The following MTR variants were observed in gnomAD, a reference collection of about 807,000 sequenced individuals.
The protein encoded by MTR is 5-methyltetrahydrofolate-homocysteine methyltransferase, also known as methionine synthase.
A neutral mutation model predicts 154.8 loss-of-function variants in MTR; 84 were observed. The ratio of observed to expected loss-of-function variants is 0.54; its 90% confidence interval spans 0.45 to 0.65. MTR has a LOEUF of 0.65. MTR is among the 30% of genes least tolerant of loss of function. The pLI is 0.00. For missense variants in MTR, 1,275 were observed against 1,570.2 expected (o/e 0.81, Z 3.18); for synonymous variants, 554 against 553.9 (o/e 1.00, Z 0.00).
chr1:236,862,687 G>A (rs138223367), intron 21 of MTR, among the ~76,000 whole-genome samples: 1 of 152,210 alleles, frequency 6.6e-6, no homozygotes, highest in South Asian at 2.1e-4. Context: ...TCAAAGGTCT[G>A]TCCCCGCCCT....
chr1:236,877,113 T>G (rs1459751388), intron 24 of MTR, among the ~76,000 whole-genome samples: 1 of 152,248 alleles, frequency 6.6e-6, no homozygotes, highest in African/African-American at 2.4e-5. Flanking sequence ...TGGAACAGCC[T>G]TTGGAAAACA....
chr1:236,795,884 A>C (rs998034167), intron 1 of MTR, 147 bp downstream of exon 1: 10 of 1,211,228 alleles, frequency 8.3e-6, no homozygotes, highest in Non-Finnish European at 1.2e-5. Context: ...AACTTAGCGC[A>C]GGAGCCCGGA....
Position 236,806,290 on chromosome 1 carries a change from T to C in MTR, c.339+57T>C. ...TGCTTACGAGCGTTTGCTGCATTGG[T>C]AGTTGCTAGTGAGTAAAGCACTGGA... On this transcript the variant is annotated intron_variant, in intron 3 of 32. Transcript: ENST00000366577. 5 of 1,366,972 alleles carry C rather than the reference T, an allele frequency of 3.7e-6. No homozygotes were observed. In the South Asian group the frequency reaches 5.8e-5, roughly 16 times the overall value. 84.7% of individuals were successfully genotyped at this position (1,366,972 alleles called of 1,614,324 possible).
chr1:236,879,047 T>G (rs903822261), intron 24 of MTR, among the ~76,000 whole-genome samples: 4 of 152,278 alleles, frequency 2.6e-5, no homozygotes, highest in Non-Finnish European at 5.9e-5. Flanking sequence ...GTCTGTCTTA[T>G]GAGTTTTTAG....
Position 236,795,451 on chromosome 1 carries a change from C to G in MTR, c.-253C>G. The stretch of plus-strand genomic sequence containing the variant: ...CTGGCTGCTAGGCCGACACCAAGGA[C>G]TGGCCGGGTACCCGGGAAGAAAGCA... On this transcript the variant is annotated 5_prime_UTR_variant, in exon 1 of 33. Transcript: ENST00000366577. The G allele has an allele frequency of 6.7e-7, 1 of 1,494,682 alleles. No homozygotes were observed. Among genetic ancestry groups the G allele is most frequent in the Non-Finnish European group, 8.9e-7 (1 of 1,120,098 alleles). The allele number at this position is 1,494,682 out of a possible 1,614,324, so 92.6% of individuals were successfully genotyped here. A position where few individuals can be genotyped will look rare whatever the true frequency, so the allele number is the denominator to read the frequency against.
chr1:236,799,801 T>C (rs1660607952), intron 1 of MTR, among the ~76,000 whole-genome samples: 1 of 152,022 alleles, frequency 6.6e-6, no homozygotes, highest in Non-Finnish European at 1.5e-5. Flanking sequence ...GTTTTTTTTT[T>C]TTAAATTAAG....
intron 22 of MTR, among the ~76,000 whole-genome samples, chr1:236,864,904 C>G (rs1466185017): frequency 6.6e-6 from 1 of 152,218 alleles, no homozygotes; most frequent in East Asian, 1.9e-4. Flanking sequence ...TAGCCAGGTA[C>G]ATGTTCAGCC....
At chr1:236,819,821 T>C in intron 8 of MTR, 6 of 762,948 alleles carry the variant, frequency 7.9e-6, no homozygotes, top group Non-Finnish European at 1.4e-5. Flanking sequence ...AGCTGGCGGC[T>C]TGTGCCATTG....
chr1:236,890,540 G>T (rs370023225), intron 28 of MTR, among the ~76,000 whole-genome samples: 6 of 152,294 alleles, frequency 3.9e-5, no homozygotes, highest in African/African-American at 1.2e-4. Flanking sequence ...ATTCTGTGGT[G>T]TCTGGGCCTG....
intron 17 of MTR, 139 bp from the exon 18 acceptor site, chr1:236,852,809 C>T: frequency 8.8e-7 from 1 of 1,131,364 alleles, no homozygotes. Context: ...TGCTTTTATG[C>T]TGTAACTACA....
intron 18 of MTR, among the ~76,000 whole-genome samples, chr1:236,854,904 G>A (rs958895748): frequency 5.9e-5 from 9 of 152,168 alleles, no homozygotes; most frequent in African/African-American, 1.7e-4. Flanking sequence ...CATAGCAATT[G>A]CAGGAGTTTA....
intron 15 of MTR, 67 bp from the exon 16 acceptor site, chr1:236,850,277 A>C: frequency 2.9e-6 from 3 of 1,023,068 alleles, no homozygotes; most frequent in Non-Finnish European, 4.0e-6. Context: ...AATAACAGGT[A>C]TTTAATATTA....
At chr1:236,880,208 G>C (rs934863077) in intron 24 of MTR, among the ~76,000 whole-genome samples, 1 of 152,126 alleles carries the variant, frequency 6.6e-6, no homozygotes, top group South Asian at 2.1e-4. Context: ...TTGCCTCTCT[G>C]TATTATTTTA....
At chr1:236,804,834 A>T (rs1430725547) in intron 2 of MTR, among the ~76,000 whole-genome samples, 1 of 151,974 alleles carries the variant, frequency 6.6e-6, no homozygotes, top group Non-Finnish European at 1.5e-5. Context: ...ACGTGAGTGA[A>T]TATATATATG....
intron 16 of MTR, 98 bp from the exon 17 acceptor site, chr1:236,852,423 G>T: frequency 3.4e-6 from 3 of 875,642 alleles, no homozygotes; most frequent in East Asian, 2.5e-5. Context: ...GATGCTTTTT[G>T]TTTTTTTTTC....
chr1:236,853,257 G>C (rs1261527473), intron 18 of MTR, among the ~76,000 whole-genome samples, 169 bp downstream of exon 18: 1 of 152,214 alleles, frequency 6.6e-6, no homozygotes, highest in East Asian at 1.9e-4. Flanking sequence ...GCTAGGGCAA[G>C]GAAGGGTAAA....
chr1:236,803,587 G>A lies in MTR; in HGVS notation c.194G>A (p.Gly65Asp), dbSNP rs1463533327. The A allele has an allele frequency of 6.2e-7, 1 of 1,614,124 alleles. No individual in the cohort carries two copies. Among genetic ancestry groups the A allele is most frequent in the Admixed American group, 1.7e-5 (1 of 60,000 alleles). Reference protein sequence around the residue: ...EFKDHARPLKGNNDILSITQP... With the variant: ...EFKDHARPLKDNNDILSITQP... ...AAAGATCATGCCAGGCCGCTGAAAG[G>A]CAACAATGACATTTTAAGTATAACT... Residue 65 changes from glycine to aspartate, a missense_variant, in exon 2 of 33, where the codon GGC becomes GAC. Physicochemically the swap from Gly to Asp is moderately conservative, Grantham distance 94 (BLOSUM62 -1). Coordinates refer to ENST00000366577, the MANE Select transcript of MTR (RefSeq NM_000254.3).
At chr1:236,865,311 A>G (rs1040692423) in intron 22 of MTR, among the ~76,000 whole-genome samples, 5 of 152,222 alleles carry the variant, frequency 3.3e-5, no homozygotes, top group East Asian at 1.9e-4. Flanking sequence ...CTTCATGTCA[A>G]ACACTCCTTT....
Position 236,833,645 on chromosome 1 carries a change from C to T in MTR, c.1188+1567C>T, listed in dbSNP as rs188250004. 1.4e-3 allele frequency among the ~76,000 whole-genome samples: 210 copies of T among 152,284 alleles called. 2 individuals carry two copies. Among genetic ancestry groups the T allele is most frequent in the African/African-American group, 4.8e-3 (200 of 41,548 alleles). Reference sequence around the variant, plus strand: ...CAGGTGACTCTTCATTAGAGTCTAGCTCTTATGACTTAATGATCCCTTTGT... The same window carrying T: ...CAGGTGACTCTTCATTAGAGTCTAGTTCTTATGACTTAATGATCCCTTTGT... On this transcript the variant is annotated intron_variant, in intron 13 of 32. Coordinates refer to ENST00000366577, the MANE Select transcript of MTR (RefSeq NM_000254.3).
Sources: gnomAD v4.1 joint callset for allele counts (sites outside exome capture counted in the v4.1 genomes callset) on GRCh38, gnomAD v4.1.1 for gene constraint, MANE v1.5 for transcripts, NCBI Gene and HGNC (gene_info 2026-07-23, HGNC 2026-07-21) for gene names.